The following FLG variants were observed in gnomAD, a reference collection of about 807,000 sequenced individuals.
FLG encodes the protein filaggrin.
Under a neutral mutation model 3.8 loss-of-function variants are expected in FLG, and 6 were observed. The ratio of observed to expected loss-of-function variants is 1.60; its 90% confidence interval spans 0.87 to 3.15. FLG has a LOEUF of 3.15. Ranked by LOEUF, FLG falls within the 30% of genes most tolerant of loss-of-function variation. FLG has a pLI of 0.00. For missense variants in FLG, 7,595 were observed against 5,050.9 expected, an observed-to-expected ratio of 1.50 and a Z score of -15.27; for synonymous variants, 2,551 against 1,931.6, an observed-to-expected ratio of 1.32 and a Z score of -8.41.
In FLG at chr1:152,308,711, C is replaced by T. The variant is rs775214195; in HGVS notation, c.6175G>A (p.Val2059Met). Residue 2059 changes from valine to methionine, a missense_variant, in exon 3 of 3, where the codon GTG becomes ATG. By Grantham distance (21) the Val-to-Met change is conservative. Transcript: ENST00000368799. The part of the protein sequence containing the change: ...GHSEDSDTQS[V>M]SAQGKAGPHQ... Reference sequence around the variant, plus strand: ...GGCCCAGCTTTTCCCTGTGCTGACACTGACTGTGTGTCTGAGTCTTCTGAA... The same window carrying T: ...GGCCCAGCTTTTCCCTGTGCTGACATTGACTGTGTGTCTGAGTCTTCTGAA... 1.2e-6 allele frequency: 2 copies of T among 1,614,172 alleles called. No individual in the cohort carries two copies. The highest frequency in any genetic ancestry group is 1.1e-5 in the South Asian group (1 of 91,080).
rs750565931 is a variant in FLG at position 152,311,685 on chromosome 1, A to T, written c.3201T>A (p.Ser1067Arg). 7 of 1,613,526 alleles carry T rather than the reference A, an allele frequency of 4.3e-6. No individual in the cohort carries two copies. In the South Asian group the frequency reaches 6.6e-5, roughly 15 times the overall value. ...AVRDSGHWGSSGSQASDSEGH... is the reference protein window; with the variant it reads ...AVRDSGHWGSRGSQASDSEGH... ...CCTCACTATCACTGGCCTGACTACC[A>T]CTGGACCCCCAGTGTCCACTGTCTC... The change falls in exon 3 of 3, where the codon AGT (serine) becomes AGA (arginine). Residue 1067 changes from serine to arginine, a missense_variant. Coordinates refer to ENST00000368799, the MANE Select transcript of FLG (RefSeq NM_002016.2).
chr1:152,307,722 C>T lies in FLG; in HGVS notation c.7164G>A (p.Gln2388=), dbSNP rs773927647. Residue 2388 remains glutamine (Q), a synonymous_variant, in exon 3 of 3, where the codon CAG becomes CAA. Transcript: ENST00000368799. ...SDTQSVSAHG[Q]AGPHQQSHQE... is the part of the protein sequence containing the mutation. The stretch of plus-strand genomic sequence containing the variant: ...GGTGGCTCTGCTGATGGGGCCCAGC[C>T]TGTCCGTGGGCTGACACTGACTGTG... 3.5e-5 allele frequency: 57 copies of T among 1,613,360 alleles called. No individual in the cohort carries two copies. The highest frequency in any genetic ancestry group is 4.1e-5 in the Non-Finnish European group (48 of 1,179,890).
rs776375070 is a variant in FLG, at chr1:152,312,289, T to C, written c.2597A>G (p.His866Arg). Residue 866 changes from histidine to arginine, a missense_variant, in exon 3 of 3, where the codon CAC becomes CGC. Physicochemically the swap from His to Arg is conservative, Grantham distance 29. Transcript: ENST00000368799. ...GGTGTGGCTGTGATGGGACCCTGAG[T>C]GTCCAGACCTATCTACCGATTGCTC... ...HHEQSVDRSG[H>R]SGSHHSHTTS... is the part of the protein sequence containing the mutation. 10 of 1,613,604 alleles carry C rather than the reference T, an allele frequency of 6.2e-6. No individual in the cohort carries two copies. In the South Asian group the frequency reaches 9.9e-5, roughly 16 times the overall value.
chr1:152,323,913 T>A (rs1653061478), intron 1 of FLG, among the ~76,000 whole-genome samples: 1 of 151,790 alleles, frequency 6.6e-6, no homozygotes, highest in East Asian at 1.9e-4. Context: ...ATGAATAAAT[T>A]GTTATATTTT....
rs1201474278 is a variant in FLG at position 152,304,105 on chromosome 1, C to A, written c.10781G>T (p.Ser3594Ile). The change falls in exon 3 of 3, where the codon AGC becomes ATC. Residue 3594 changes from serine to isoleucine, a missense_variant. Ser to Ile is a moderately radical substitution (Grantham distance 142). Transcript: ENST00000368799. ...ATGATGAGTGCCTGATTGTCTGGAGCTCTCTGCAGAGTGCCCGTGACCGGC... is the reference window on the plus strand; with the variant it reads ...ATGATGAGTGCCTGATTGTCTGGAGATCTCTGCAGAGTGCCCGTGACCGGC... ...DRAGHGHSAE[S>I]SRQSGTHHAE... 3 of 1,607,580 alleles carry A rather than the reference C, an allele frequency of 1.9e-6. No homozygotes were observed. The highest frequency in any genetic ancestry group is 1.7e-6 in the Non-Finnish European group (2 of 1,178,874).
At position 152,308,951 on chromosome 1, in the gene FLG, T is replaced by C; in HGVS notation, c.5935A>G (p.Thr1979Ala). The part of the protein sequence containing the change: ...HSADSSRQSG[T>A]RHTESSSRGQ... ...CGAGAGGAAGACTCTGTGTGACGAG[T>C]GCCTGATTGTCTGGAGCTGTCTGCA... Residue 1979 changes from threonine (T) to alanine (A), a missense_variant, in exon 3 of 3, where the codon ACT (threonine) becomes GCT (alanine). Thr to Ala is a moderately conservative substitution (Grantham distance 58). Transcript: ENST00000368799. 1 of 1,614,120 alleles carries C rather than the reference T, an allele frequency of 6.2e-7. No individual in the cohort carries two copies. Among genetic ancestry groups the C allele is most frequent in the African/African-American group, 1.3e-5 (1 of 75,028 alleles).
rs1651661602 is a variant in FLG at position 152,302,304 on chromosome 1, T to C, written c.*396A>G. 4.4e-6 allele frequency: 1 copy of C among 226,122 alleles called. No homozygotes were observed. The highest frequency in any genetic ancestry group is 6.8e-5 in the South Asian group (1 of 14,730). The allele number at this position is 226,122 out of a possible 1,614,324, so 14.0% of individuals were successfully genotyped here. A position where few individuals can be genotyped will look rare whatever the true frequency, so the allele number is the denominator to read the frequency against. On this transcript the variant is annotated 3_prime_UTR_variant, in exon 3 of 3. Coordinates refer to ENST00000368799, the MANE Select transcript of FLG (RefSeq NM_002016.2). ...AAAGATGTGCTAGCCCTGATGTTGA[T>C]ATAGCCACTTTGGTATACAGAACTG...
chr1:152,319,597 C>T (rs1383789637), intron 1 of FLG, among the ~76,000 whole-genome samples: 3 of 151,394 alleles, frequency 2.0e-5, no homozygotes, highest in African/African-American at 7.3e-5. Flanking sequence ...CAGAGAAACA[C>T]TTGTATTACC....
In FLG at chr1:152,313,994, T is replaced by C. The variant is rs1652660480; in HGVS notation, c.892A>G (p.Ser298Gly). Residue 298 changes from serine (S) to glycine (G), a missense_variant, in exon 3 of 3, where the codon AGC (serine) becomes GGC (glycine). Transcript: ENST00000368799. ...RTRKRRGSRV[S>G]QDRDSEGHSE... ...TGTCCCTCACTGTCCCTGTCCTGGC[T>C]AACTCTGGATCCCCTACGCTTTCTT... 1 of 1,614,134 alleles carries C rather than the reference T, an allele frequency of 6.2e-7. No homozygotes were observed. The highest frequency in any genetic ancestry group is 1.3e-5 in the African/African-American group (1 of 74,940).
rs139975241 is a variant in FLG, at chr1:152,309,919, C to T, written c.4967G>A (p.Arg1656His). ...SAESSRQSGT[R>H]HAETSSGGQA... ...TCCACCAGAGGAAGTCTCTGCATGA[C>T]GAGTGCCTGATTGTCTGGAGCTCTC... The change falls in exon 3 of 3, where the codon CGT becomes CAT. Residue 1656 changes from arginine to histidine, a missense_variant. By Grantham distance (29) the Arg-to-His change is conservative. Coordinates refer to ENST00000368799, the MANE Select transcript of FLG (RefSeq NM_002016.2). The T allele has an allele frequency of 2.1e-4, 338 of 1,613,926 alleles. No individual in the cohort carries two copies. The highest frequency in any genetic ancestry group is 2.6e-4 in the Non-Finnish European group (303 of 1,179,984).
intron 1 of FLG, among the ~76,000 whole-genome samples, chr1:152,317,498 A>G (rs1570918776): frequency 6.6e-6 from 1 of 152,182 alleles, no homozygotes; most frequent in East Asian, 1.9e-4. Context: ...GCAGCATTTG[A>G]TGCAACTGGC....
rs368478141 is a variant in FLG, at chr1:152,314,149, G to A, written c.737C>T (p.Thr246Ile). 2 of 1,614,028 alleles carry A rather than the reference G, an allele frequency of 1.2e-6. No individual in the cohort carries two copies. The highest frequency in any genetic ancestry group is 1.7e-5 in the Admixed American group (1 of 59,998). The change falls in exon 3 of 3, where the codon ACC (threonine) becomes ATC (isoleucine). Residue 246 changes from threonine to isoleucine, a missense_variant. Transcript: ENST00000368799. ...YYTIQDEAYD[T>I]TDSLLEENKI... ...GTTTTCTTCTAATAGACTATCAGTG[G>A]TGTCATAGGCTTCATCCTGGATTGT...
rs770823601 is a variant in FLG, at chr1:152,308,700, C to A, written c.6186G>T (p.Gln2062His). Reference protein sequence around the residue: ...EDSDTQSVSAQGKAGPHQQSH... With the variant: ...EDSDTQSVSAHGKAGPHQQSH... ...TCTGCTGATGGGGCCCAGCTTTTCC[C>A]TGTGCTGACACTGACTGTGTGTCTG... Residue 2062 changes from glutamine to histidine, a missense_variant, in exon 3 of 3, where the codon CAG becomes CAT. Gln to His is a conservative substitution (Grantham distance 24, BLOSUM62 0). Coordinates refer to ENST00000368799, the MANE Select transcript of FLG (RefSeq NM_002016.2). 6.2e-7 allele frequency: 1 copy of A among 1,614,128 alleles called. No homozygotes were observed. The highest frequency in any genetic ancestry group is 8.5e-7 in the Non-Finnish European group (1 of 1,179,992).
chr1:152,302,903 G>A lies in FLG; in HGVS notation c.11983C>T (p.Gln3995Ter). Residue 3995 changes from glutamine to a stop codon, truncating the protein, a stop_gained, in exon 3 of 3, where the codon CAG (glutamine) becomes TAG (stop). Coordinates refer to ENST00000368799, the MANE Select transcript of FLG (RefSeq NM_002016.2). LOFTEE classifies it low-confidence loss of function (END_TRUNC). ...DYGESGFRHS[Q>*]HGSVSYNSNP... The stretch of plus-strand genomic sequence containing the variant: ...GAATTGTAACTAACACTTCCGTGCT[G>A]AGAGTGTCTAAACCCGGATTCACCA... 6.2e-7 allele frequency: 1 copy of A among 1,614,136 alleles called. No homozygotes were observed. The highest frequency in any genetic ancestry group is 1.1e-5 in the South Asian group (1 of 91,076).
At position 152,302,891 on chromosome 1, in the gene FLG, C is replaced by G; in HGVS notation, c.11995G>C (p.Val3999Leu). 1 of 1,614,198 alleles carries G rather than the reference C, an allele frequency of 6.2e-7. No individual in the cohort carries two copies. Reference sequence around the variant, plus strand: ...ACAACAGGATTGGAATTGTAACTAACACTTCCGTGCTGAGAGTGTCTAAAC... The same window carrying G: ...ACAACAGGATTGGAATTGTAACTAAGACTTCCGTGCTGAGAGTGTCTAAAC... ...SGFRHSQHGS[V>L]SYNSNPVVFK... The change falls in exon 3 of 3, where the codon GTT (valine) becomes CTT (leucine). Residue 3999 changes from valine to leucine, a missense_variant. By Grantham distance (32) the Val-to-Leu change is conservative. Transcript: ENST00000368799.
At position 152,304,252 on chromosome 1, in the gene FLG, C is replaced by G; in HGVS notation, c.10634G>C (p.Ser3545Thr). 2 of 1,613,290 alleles carry G rather than the reference C, an allele frequency of 1.2e-6. No homozygotes were observed. Among genetic ancestry groups the G allele is most frequent in the South Asian group, 1.1e-5 (1 of 90,956 alleles). Residue 3545 changes from serine (S) to threonine (T), a missense_variant, in exon 3 of 3, where the codon AGT (serine) becomes ACT (threonine). By Grantham distance (58) the Ser-to-Thr change is moderately conservative. Coordinates refer to ENST00000368799, the MANE Select transcript of FLG (RefSeq NM_002016.2). ...QGSSVSQDSDSQGHSEDSERW... is the reference protein window; with the variant it reads ...QGSSVSQDSDTQGHSEDSERW... ...CTCAGAGTCTTCTGAGTGTCCCTGA[C>G]TGTCACTGTCCTGGCTAACACTGGA...
In FLG at chr1:152,307,464, C is replaced by A; in HGVS notation, c.7422G>T (p.Gln2474His). Reference sequence around the variant, plus strand: ...CTACCAATTGCTCGTAGTGGGATCCCTGCCTTCCTCCACTGCTTGACCCCG... The same window carrying A: ...CTACCAATTGCTCGTAGTGGGATCCATGCCTTCCTCCACTGCTTGACCCCG... ...GHPGSSSGGR[Q>H]GSHYEQLVDR... is the part of the protein sequence containing the mutation. The change falls in exon 3 of 3, where the codon CAG (glutamine) becomes CAT (histidine). Residue 2474 changes from glutamine (Q) to histidine (H), a missense_variant. By Grantham distance (24) the Gln-to-His change is conservative. Coordinates refer to ENST00000368799, the MANE Select transcript of FLG (RefSeq NM_002016.2). The A allele has an allele frequency of 6.2e-7, 1 of 1,613,342 alleles. No individual in the cohort carries two copies. The highest frequency in any genetic ancestry group is 8.5e-7 in the Non-Finnish European group (1 of 1,179,740).
In FLG at chr1:152,304,457, G is replaced by C. The variant is rs764274037; in HGVS notation, c.10429C>G (p.Arg3477Gly). Reference sequence around the variant, plus strand: ...GCACTTCTGGATCCTGACTGCCCACGGGAGGCATCAGACCTTCCCTGGGAT... The same window carrying C: ...GCACTTCTGGATCCTGACTGCCCACCGGAGGCATCAGACCTTCCCTGGGAT... ...TTSQGRSDAS[R>G]GQSGSRSASR... Residue 3477 changes from arginine (R) to glycine (G), a missense_variant, in exon 3 of 3, where the codon CGT (arginine) becomes GGT (glycine). By Grantham distance (125) the Arg-to-Gly change is moderately radical. Coordinates refer to ENST00000368799, the MANE Select transcript of FLG (RefSeq NM_002016.2). 4 of 1,612,418 alleles carry C rather than the reference G, an allele frequency of 2.5e-6. No individual in the cohort carries two copies. In the South Asian group the frequency reaches 3.3e-5, roughly 13 times the overall value.
In FLG at chr1:152,310,083, C is replaced by G; in HGVS notation, c.4803G>C (p.Glu1601Asp). ...GCCTCTCAGAGTCTTCTGAGTGTCCCTCACTGTCCCTGTCCTGACTAACAC... is the reference window on the plus strand; with the variant it reads ...GCCTCTCAGAGTCTTCTGAGTGTCCGTCACTGTCCCTGTCCTGACTAACAC... ...GSSVSQDRDS[E>D]GHSEDSERRS... The change falls in exon 3 of 3, where the codon GAG (glutamate) becomes GAC (aspartate). Residue 1601 changes from glutamate (E) to aspartate (D), a missense_variant. Transcript: ENST00000368799. 6.2e-7 allele frequency: 1 copy of G among 1,614,026 alleles called. No individual in the cohort carries two copies. The highest frequency in any genetic ancestry group is 8.5e-7 in the Non-Finnish European group (1 of 1,180,004).
Sources: allele counts gnomAD v4.1 joint callset (sites outside exome capture counted in the v4.1 genomes callset), GRCh38; gene constraint gnomAD v4.1.1; transcripts MANE v1.5; gene names NCBI Gene and HGNC (gene_info 2026-07-23, HGNC 2026-07-21).